The following DRAM2 variants were observed in gnomAD, a reference collection of about 807,000 sequenced individuals.
DRAM2 encodes the protein DNA damage regulated autophagy modulator 2.
A neutral mutation model predicts 33.5 loss-of-function variants in DRAM2; 26 were observed. The ratio of observed to expected loss-of-function variants is 0.78; its 90% CI spans 0.57 to 1.08. The LOEUF is 1.08. DRAM2 is among the 50% of genes least tolerant of loss of function. DRAM2 has a pLI of 0.00. For synonymous variants in DRAM2, 98 were observed against 109.5 expected, an observed-to-expected ratio of 0.89 and a Z score of 0.66; for missense variants, 311 against 318.1, an observed-to-expected ratio of 0.98 and a Z score of 0.17.
Position 111,118,185 on chromosome 1 carries a change from G to A in DRAM2, c.776C>T (p.Thr259Ile), listed in dbSNP as rs957251142. ...TCAAATATCTCTGGAAAGTAGCCGT[G>A]TTCGTTCATTGTTAATAGGGCAAGG... ...TAPCPINNER[T>I]RLLSRDI is the part of the protein sequence containing the mutation. The change falls in exon 10 of 10, where the codon ACA (threonine) becomes ATA (isoleucine). Residue 259 changes from threonine (T) to isoleucine (I), a missense_variant. Physicochemically the swap from Thr to Ile is moderately conservative, Grantham distance 89. Transcript: ENST00000484310. 1 of 1,612,874 alleles carries A rather than the reference G, an allele frequency of 6.2e-7. No individual in the cohort carries two copies. The highest frequency in any genetic ancestry group is 8.5e-7 in the Non-Finnish European group (1 of 1,179,086).
chr1:111,132,910 G>A (rs1044279648), intron 3 of DRAM2, among the ~76,000 whole-genome samples: 2 of 151,736 alleles, frequency 1.3e-5, no homozygotes, highest in Non-Finnish European at 2.9e-5. Context: ...AAACTCCTGG[G>A]CTCAAGAAAT....
Position 111,117,631 on chromosome 1 carries a change from G to C in DRAM2, c.*529C>G, listed in dbSNP as rs963418386. 1 of 155,056 alleles carries C rather than the reference G, an allele frequency of 6.4e-6. No homozygotes were observed. The highest frequency in any genetic ancestry group is 1.4e-5 in the Non-Finnish European group (1 of 70,048). 9.6% of individuals were successfully genotyped at this position (155,056 alleles called of 1,614,324 possible). A position where few individuals can be genotyped will look rare whatever the true frequency, so the allele number is the denominator to read the frequency against. On this transcript the variant is annotated 3_prime_UTR_variant, in exon 10 of 10. Transcript: ENST00000484310. ...CCATGGAAGAGCCCACATGAATCCA[G>C]GTCTACTTTCCTTTACAGGTAGATT...
At chr1:111,126,196 T>C in intron 5 of DRAM2, 31 bp downstream of exon 5, 1 of 1,456,790 alleles carries the variant, frequency 6.9e-7, no homozygotes. Context: ...AATTTGGCTA[T>C]TATCATGTTA....
At chr1:111,124,277 CTTCCT>C (rs1339702837) in intron 6 of DRAM2, among the ~76,000 whole-genome samples, 12 of 152,210 alleles carry the variant, frequency 7.9e-5, no homozygotes, top group Admixed American at 7.9e-4. Flanking sequence ...ACCTACAGTT[CTTCCT>C]TTCATTTCCT....
In DRAM2 at chr1:111,133,178, CTT is replaced by C. The variant is rs35385263; in HGVS notation, c.-14-1612_-14-1611del. On this transcript the variant is annotated intron_variant, in intron 3 of 9. Coordinates refer to ENST00000484310, the MANE Select transcript of DRAM2 (RefSeq NM_001349884.2). ...CTTGCATTGTCTTGTCTTTACTTAC[CTT>C]TTTTTTTTTTTTTTTGAGACAGAGT... Among the ~76,000 whole-genome samples the C allele has an allele frequency of 1.7e-4, 23 of 134,534 alleles. No individual in the cohort carries two copies. The East Asian group carries it at 2.5e-3, about 15-fold the overall frequency. 88.3% of individuals were successfully genotyped at this position (134,534 alleles called of 152,430 possible).
chr1:111,121,285 T>C (rs913839392), intron 6 of DRAM2, among the ~76,000 whole-genome samples: 1 of 152,062 alleles, frequency 6.6e-6, no homozygotes. Flanking sequence ...TGGTTATATA[T>C]AGTTACACTG....
At chr1:111,138,953 A>G (rs1353910554) in intron 2 of DRAM2, 1 of 152,240 alleles carries the variant, frequency 6.6e-6, no homozygotes, top group African/African-American at 2.4e-5. Flanking sequence ...ATGCTAAGAA[A>G]TAAGAAAGGA....
chr1:111,130,443 C>T (rs773895464), intron 4 of DRAM2, among the ~76,000 whole-genome samples: 2 of 152,208 alleles, frequency 1.3e-5, no homozygotes, highest in Non-Finnish European at 2.9e-5. Flanking sequence ...CAGTGGCTCA[C>T]GCCTGTAATT....
intron 3 of DRAM2, among the ~76,000 whole-genome samples, chr1:111,136,830 C>T (rs1003751961): frequency 6.6e-6 from 1 of 151,662 alleles, no homozygotes; most frequent in East Asian, 1.9e-4. Context: ...AAAAATTAGC[C>T]GGGGGTGATG....
At chr1:111,128,320 T>G (rs946853457) in intron 4 of DRAM2, among the ~76,000 whole-genome samples, 5 of 152,056 alleles carry the variant, frequency 3.3e-5, no homozygotes, top group Non-Finnish European at 7.4e-5. Flanking sequence ...TAAATATGTA[T>G]GTCAGAATGT....
chr1:111,125,028 A>C (rs34009613), intron 5 of DRAM2, 147 bp from the exon 6 acceptor site: 12 of 778,154 alleles, frequency 1.5e-5, no homozygotes, highest in Middle Eastern at 3.8e-4. Flanking sequence ...AAAAAAAAAA[A>C]CAAAATAGCT....
rs1651923891 is a variant in DRAM2 at position 111,130,815 on chromosome 1, T to G, written c.131+609A>C. Among the ~76,000 whole-genome samples the G allele has an allele frequency of 3.4e-5, 5 of 148,196 alleles. 1 individual carries two copies. The South Asian group carries it at 1.1e-3, about 32-fold the overall frequency. ...TTCAAGAGCAGCCTGACCAACATGGTGAAACCCCATCTCTACTAAAAATGC... is the reference window on the plus strand; with the variant it reads ...TTCAAGAGCAGCCTGACCAACATGGGGAAACCCCATCTCTACTAAAAATGC... On this transcript the variant is annotated intron_variant, in intron 4 of 9. Transcript: ENST00000484310.
intron 2 of DRAM2, among the ~76,000 whole-genome samples, chr1:111,138,065 T>C (rs1387161536): frequency 1.3e-5 from 2 of 152,228 alleles, no homozygotes; most frequent in Non-Finnish European, 2.9e-5. Flanking sequence ...ACTCAAACAG[T>C]TGTTCCTTGG....
intron 3 of DRAM2, among the ~76,000 whole-genome samples, chr1:111,133,092 T>C (rs1173440186): frequency 6.6e-6 from 1 of 151,984 alleles, no homozygotes; most frequent in South Asian, 2.1e-4. Flanking sequence ...ATCCCCTTAT[T>C]CTCCTACAAT....
chr1:111,120,566 A>C lies in DRAM2; in HGVS notation c.467T>G (p.Phe156Cys). 1.2e-6 allele frequency: 2 copies of C among 1,612,476 alleles called. No homozygotes were observed. Among genetic ancestry groups the C allele is most frequent in the Non-Finnish European group, 1.7e-6 (2 of 1,179,034 alleles). ...GATAACCAACAACAGTCTGATCCAG[A>C]AGACTTGTTTGCCATGGATTTTGGG... ...MQPKIHGKQV[F>C]WIRLLLVIWC... Residue 156 changes from phenylalanine to cysteine, a missense_variant, in exon 7 of 10, where the codon TTC (phenylalanine) becomes TGC (cysteine). By Grantham distance (205) the Phe-to-Cys change is radical. Transcript: ENST00000484310.
chr1:111,128,279 C>G (rs935581044), intron 4 of DRAM2, among the ~76,000 whole-genome samples: 1 of 151,480 alleles, frequency 6.6e-6, no homozygotes, highest in Non-Finnish European at 1.5e-5. Flanking sequence ...AGGAAATGAG[C>G]CTACAAGAAA....
intron 3 of DRAM2, among the ~76,000 whole-genome samples, chr1:111,135,609 C>T (rs929932263): frequency 6.6e-6 from 1 of 152,212 alleles, no homozygotes; most frequent in Non-Finnish European, 1.5e-5. Context: ...CCTCCTCCCC[C>T]TTTGTTTTAC....
At chr1:111,118,390 G>C (rs1649343055) in intron 9 of DRAM2, 123 bp from the exon 10 acceptor site, 1 of 654,156 alleles carries the variant, frequency 1.5e-6, no homozygotes, top group Admixed American at 3.1e-5. Flanking sequence ...TAGTGAGACA[G>C]CTGTTTTACT....
Position 111,120,696 on chromosome 1 carries a change from G to C in DRAM2, c.340-3C>G. The C allele has an allele frequency of 6.7e-7, 1 of 1,488,346 alleles. No individual in the cohort carries two copies. Among genetic ancestry groups the C allele is most frequent in the South Asian group, 1.4e-5 (1 of 71,854 alleles). The allele number at this position is 1,488,346 out of a possible 1,614,324, so 92.2% of individuals were successfully genotyped here. ...TGTGCAGCAAAAAGGGTTGTTTTCT[G>C]AGAGATAGAGAGAAGAAATACGTCA... is the stretch of plus-strand genomic sequence containing the variant. On this transcript the variant is annotated splice_region_variant and splice_polypyrimidine_tract_variant and intron_variant, in intron 6 of 9. Coordinates refer to ENST00000484310, the MANE Select transcript of DRAM2 (RefSeq NM_001349884.2).
Sources: gnomAD v4.1 joint callset for allele counts (sites outside exome capture counted in the v4.1 genomes callset) on GRCh38, gnomAD v4.1.1 for gene constraint, MANE v1.5 for transcripts, NCBI Gene and HGNC (gene_info 2026-07-23, HGNC 2026-07-21) for gene names.